CAPN7: variants seen among roughly 807,000 people sequenced by gnomAD.
CAPN7 encodes calpain-7.
In CAPN7, 72 loss-of-function variants were observed where a neutral mutation model predicts 115.2. The ratio of observed to expected loss-of-function variants is 0.63; its 90% confidence interval spans 0.52 to 0.76. The LOEUF (loss-of-function observed/expected upper bound fraction) is 0.76. Among genes scored for constraint, CAPN7 ranks in the 30% least tolerant of loss-of-function variants. CAPN7 has a pLI of 0.00. For missense variants in CAPN7, 905 were observed against 971.5 expected (o/e 0.93, Z 0.91); for synonymous variants, 344 against 322.3 (o/e 1.07, Z -0.72).
At chr3:15,211,049 T>C (rs765380227) in intron 1 of CAPN7, 9 of 502,234 alleles carry the variant, frequency 1.8e-5, no homozygotes, top group Non-Finnish European at 2.3e-5. Context: ...GTGGAAGTTA[T>C]GGAATAACTG....
At chr3:15,226,407 G>GA (rs1694319715) in intron 6 of CAPN7, among the ~76,000 whole-genome samples, 1 of 152,032 alleles carries the variant, frequency 6.6e-6, no homozygotes, top group Admixed American at 6.6e-5. Flanking sequence ...AGTTCTGAGG[G>GA]AAAAAACCTT....
chr3:15,219,071 A>T (rs1693811830), intron 4 of CAPN7, among the ~76,000 whole-genome samples: 1 of 152,112 alleles, frequency 6.6e-6, no homozygotes, highest in Non-Finnish European at 1.5e-5. Flanking sequence ...GGTCTGTGAG[A>T]TTTACTAGCT....
At chr3:15,213,101 C>G (rs891814855) in intron 2 of CAPN7, among the ~76,000 whole-genome samples, 1 of 152,146 alleles carries the variant, frequency 6.6e-6, no homozygotes, top group Non-Finnish European at 1.5e-5. Context: ...TCACTTGATA[C>G]AAAGTATTGA....
rs1695295449 is a variant in CAPN7, at chr3:15,240,769, C to G, written c.1568C>G (p.Ser523Cys). The change falls in exon 14 of 21, where the codon TCC (serine) becomes TGC (cysteine). Residue 523 changes from serine (S) to cysteine (C), a missense_variant. Ser to Cys is a moderately radical substitution (Grantham distance 112). This residue lies in a region of CAPN7 where 620 missense variants were observed against 703.4 expected (regional missense o/e 0.88). Transcript: ENST00000253693. ...QKIDNGIFWISWDDLCQYYDV... is the reference protein window; with the variant it reads ...QKIDNGIFWICWDDLCQYYDV... ...TAATTTTCAGGAATATTTTGGATTT[C>G]CTGGGATGATCTCTGCCAGTATTAT... 6.2e-7 allele frequency: 1 copy of G among 1,608,150 alleles called. No homozygotes were observed. The highest frequency in any genetic ancestry group is 1.3e-5 in the African/African-American group (1 of 74,616).
At chr3:15,223,593 A>G (rs1694128248) in intron 6 of CAPN7, 32 bp downstream of exon 6, 1 of 1,276,720 alleles carries the variant, frequency 7.8e-7, no homozygotes, top group African/African-American at 1.5e-5. Flanking sequence ...TTTTAACTCC[A>G]ATATTTTAAC....
rs1418769701 is a variant in CAPN7 at position 15,230,356 on chromosome 3, A to G, written c.939-86A>G. On this transcript the variant is annotated intron_variant, in intron 8 of 20. Coordinates refer to ENST00000253693, the MANE Select transcript of CAPN7 (RefSeq NM_014296.3). ...GTTTTTATGAAATTGCCAAGACGGT[A>G]GTATATACCTGAATGAAATGTGCTG... 6 of 737,784 alleles carry G rather than the reference A, an allele frequency of 8.1e-6. No homozygotes were observed. In the East Asian group the frequency reaches 1.1e-4, roughly 13 times the overall value. The allele number at this position is 737,784 out of a possible 1,614,324, so 45.7% of individuals were successfully genotyped here.
chr3:15,243,147 C>T (rs1695451574), intron 16 of CAPN7, among the ~76,000 whole-genome samples: 1 of 152,174 alleles, frequency 6.6e-6, no homozygotes, highest in Non-Finnish European at 1.5e-5. Flanking sequence ...AAAAGCATTA[C>T]AGGCAGAGGG....
intron 16 of CAPN7, among the ~76,000 whole-genome samples, chr3:15,243,794 G>A (rs1158872352): frequency 6.6e-6 from 1 of 152,056 alleles, no homozygotes; most frequent in East Asian, 1.9e-4. Flanking sequence ...TTGAAGTGGG[G>A]GGAGGGTGGG....
rs1696020086 is a variant in CAPN7, at chr3:15,251,893, AG to A, written c.*635del. The A allele has an allele frequency of 6.6e-6, 1 of 152,214 alleles. No homozygotes were observed. The highest frequency in any genetic ancestry group is 2.1e-4 in the South Asian group (1 of 4,836). The allele number at this position is 152,214 out of a possible 1,614,324, so 9.4% of individuals were successfully genotyped here. A position where few individuals can be genotyped will look rare whatever the true frequency, so the allele number is the denominator to read the frequency against. ...TCATGCCTAAGAATGAAAATTGTTG[AG>A]GTTATCTCCCATTCAATCATGTAGC... On this transcript the variant is annotated 3_prime_UTR_variant, in exon 21 of 21. Coordinates refer to ENST00000253693, the MANE Select transcript of CAPN7 (RefSeq NM_014296.3).
At chr3:15,242,876 G>A (rs1015872288) in intron 16 of CAPN7, among the ~76,000 whole-genome samples, 2 of 152,180 alleles carry the variant, frequency 1.3e-5, no homozygotes, top group African/African-American at 4.8e-5. Flanking sequence ...TAAAAAATGT[G>A]TATCACTTAG....
chr3:15,214,083 T>G (rs978989947), intron 2 of CAPN7, among the ~76,000 whole-genome samples: 1 of 152,088 alleles, frequency 6.6e-6, no homozygotes, highest in Admixed American at 6.5e-5. Flanking sequence ...GATTTCACCA[T>G]GTTAGCCAGG....
intron 1 of CAPN7, among the ~76,000 whole-genome samples, chr3:15,207,343 G>C (rs2044688542): frequency 6.6e-6 from 1 of 152,320 alleles, no homozygotes; most frequent in African/African-American, 2.4e-5. Flanking sequence ...CCCACAAAAG[G>C]AGCTTGCAGG....
intron 16 of CAPN7, among the ~76,000 whole-genome samples, chr3:15,243,985 T>C (rs1466183047): frequency 1.3e-5 from 2 of 152,204 alleles, no homozygotes; most frequent in Non-Finnish European, 2.9e-5. Flanking sequence ...ATCGTGGCAG[T>C]CAGTCATTGT....
In CAPN7 at chr3:15,251,295, C is replaced by G. The variant is rs200845708; in HGVS notation, c.*35C>G. 5 of 1,526,648 alleles carry G rather than the reference C, an allele frequency of 3.3e-6. No homozygotes were observed. The highest frequency in any genetic ancestry group is 2.5e-5 in the South Asian group (2 of 79,912). The allele number at this position is 1,526,648 out of a possible 1,614,324, so 94.6% of individuals were successfully genotyped here. A position where few individuals can be genotyped will look rare whatever the true frequency, so the allele number is the denominator to read the frequency against. ...CTCAAGTTACTGGCTTTTATACTTA[C>G]CAAACATCAGTTCTTCAAATAAGGA... On this transcript the variant is annotated 3_prime_UTR_variant, in exon 21 of 21. Coordinates refer to ENST00000253693, the MANE Select transcript of CAPN7 (RefSeq NM_014296.3).
At chr3:15,218,387 T>C (rs1021776368) in intron 3 of CAPN7, 86 bp from the exon 4 acceptor site, 1 of 838,822 alleles carries the variant, frequency 1.2e-6, no homozygotes, top group Non-Finnish European at 2.0e-6. Context: ...GTAATATGCA[T>C]TGTAAATTTT....
chr3:15,242,093 A>G lies in CAPN7; in HGVS notation c.1789-85A>G, dbSNP rs1424936666. The G allele has an allele frequency of 4.8e-6, 4 of 835,070 alleles. No individual in the cohort carries two copies. In the East Asian group the frequency reaches 8.0e-5, roughly 17 times the overall value. 51.7% of individuals were successfully genotyped at this position (835,070 alleles called of 1,614,324 possible). ...AGAGATTTTTTGTGGAGAGATTTAG[A>G]GCATTTTTTTGGAGAGATTTAAAAA... On this transcript the variant is annotated intron_variant, in intron 15 of 20. Transcript: ENST00000253693.
chr3:15,245,461 A>G lies in CAPN7; in HGVS notation c.1865-65A>G, dbSNP rs527254559. 115 of 1,470,878 alleles carry G rather than the reference A, an allele frequency of 7.8e-5. 1 individual carries two copies. In the South Asian group the frequency reaches 1.4e-3, roughly 18 times the overall value. 91.1% of individuals were successfully genotyped at this position (1,470,878 alleles called of 1,614,324 possible). On this transcript the variant is annotated intron_variant, in intron 16 of 20. Coordinates refer to ENST00000253693, the MANE Select transcript of CAPN7 (RefSeq NM_014296.3). ...GTCCATCCAAGTAATTATTTTTCCT[A>G]CATCAACCATAAAATTAAAGAAAGA...
At chr3:15,218,681 T>C (rs780264025) in intron 4 of CAPN7, 141 bp downstream of exon 4, 37 of 670,596 alleles carry the variant, frequency 5.5e-5, no homozygotes, top group Middle Eastern at 2.5e-4. Flanking sequence ...TTTCTACTTC[T>C]TAGTGAATTT....
chr3:15,210,926 C>T, intron 1 of CAPN7: 1 of 1,197,108 alleles, frequency 8.4e-7, no homozygotes. Flanking sequence ...AGAGAAGGTG[C>T]TGTTACTTGT....
Sources: allele counts gnomAD v4.1 joint callset (sites outside exome capture counted in the v4.1 genomes callset), GRCh38; gene constraint gnomAD v4.1.1; regional missense constraint gnomAD v4.1.1; transcripts MANE v1.5; gene names NCBI Gene and HGNC (gene_info 2026-07-23, HGNC 2026-07-21).